The following DNAJB12 variants were observed in gnomAD, a reference collection of about 807,000 sequenced individuals.
DNAJB12 encodes the protein DnaJ heat shock protein family (Hsp40) member B12, also known as dnaJ homolog subfamily B member 12.
In DNAJB12, 14 loss-of-function variants were observed where a neutral mutation model predicts 40.6. The ratio of observed to expected loss-of-function variants is 0.34; its 90% CI spans 0.23 to 0.54. The LOEUF (loss-of-function observed/expected upper bound fraction) is 0.54. Among genes scored for constraint, DNAJB12 ranks in the 20% least tolerant of loss-of-function variants. The pLI, the probability that DNAJB12 is intolerant of heterozygous loss-of-function variation, is 0.92. For synonymous variants in DNAJB12, 181 were observed against 199.5 expected (o/e 0.91, Z 0.78); for missense variants, 444 against 501.7 (o/e 0.89, Z 1.10).
chr10:72,336,043 G>A, intron 7 of DNAJB12, 112 bp from the exon 8 acceptor site: 1 of 1,368,120 alleles, frequency 7.3e-7, no homozygotes, highest in South Asian at 1.3e-5. Flanking sequence ...CCGGGGCTTG[G>A]GCAGGGCTGG....
chr10:72,338,821 CAAAAT>C (rs1861549210), intron 5 of DNAJB12, among the ~76,000 whole-genome samples: 2 of 151,744 alleles, frequency 1.3e-5, no homozygotes, highest in African/African-American at 4.8e-5. Flanking sequence ...ATAATTAAAA[CAAAAT>C]AAAAATTAGA....
chr10:72,339,491 G>A (rs1278303916), intron 5 of DNAJB12, among the ~76,000 whole-genome samples: 1 of 151,406 alleles, frequency 6.6e-6, no homozygotes, highest in African/African-American at 2.4e-5. Flanking sequence ...CCAAGATTGT[G>A]CCACTGCACT....
intron 2 of DNAJB12, 140 bp from the exon 3 acceptor site, chr10:72,343,651 G>T (rs1746755608): frequency 2.3e-6 from 2 of 880,544 alleles, no homozygotes; most frequent in South Asian, 1.6e-5. Context: ...CCTTGGGTCA[G>T]CTGTGTGACA....
Position 72,339,717 on chromosome 10 carries a change from CT to C in DNAJB12, c.723+1071del, listed in dbSNP as rs543639307. On this transcript the variant is annotated intron_variant, in intron 5 of 8. Transcript: ENST00000444643. ...GCACTGTCTAGTTATAATTTTTATA[CT>C]TTTTTTTTTTTTTGAGACGGAGTCT... Among the ~76,000 whole-genome samples, 760 of 143,814 alleles carry C rather than the reference CT, an allele frequency of 5.3e-3. 3 individuals are homozygous for C. The highest frequency in any genetic ancestry group is 0.014 in the African/African-American group (554 of 39,402). The allele number at this position is 143,814 out of a possible 152,430, so 94.3% of individuals were successfully genotyped here.
chr10:72,349,398 C>T (rs868825811), intron 1 of DNAJB12, among the ~76,000 whole-genome samples: 1 of 152,116 alleles, frequency 6.6e-6, no homozygotes, highest in African/African-American at 2.4e-5. Context: ...CAGCGCTCAG[C>T]AGACTCTGGA....
At chr10:72,341,642 T>C (rs1861642159) in intron 3 of DNAJB12, among the ~76,000 whole-genome samples, 1 of 152,050 alleles carries the variant, frequency 6.6e-6, no homozygotes, top group Admixed American at 6.5e-5. Context: ...AGCTAATTTT[T>C]TGTATTTTTT....
chr10:72,339,317 C>T (rs977999060), intron 5 of DNAJB12, among the ~76,000 whole-genome samples: 1 of 150,842 alleles, frequency 6.6e-6, no homozygotes, highest in Non-Finnish European at 1.5e-5. Context: ...AGGCAGATCA[C>T]GAGGTCAGGA....
chr10:72,346,527 G>A (rs1377033412), intron 1 of DNAJB12, among the ~76,000 whole-genome samples: 6 of 152,192 alleles, frequency 3.9e-5, no homozygotes, highest in Non-Finnish European at 5.9e-5. Context: ...ATATCAACAC[G>A]TTGGCCAGAC....
chr10:72,354,681 T>G, intron 1 of DNAJB12, 84 bp downstream of exon 1: 146 of 866,490 alleles, frequency 1.7e-4, no homozygotes, highest in Non-Finnish European at 2.3e-4. Context: ...CCCCTCCCCC[T>G]CCCCCAACTG....
rs1339880311 is a variant in DNAJB12, at chr10:72,335,950, G to A, written c.1007-19C>T. ...CCTTCCTCTGCAAAGCAATGGGACA[G>A]GGTTAGTGCACACCCAGTACCTCCC... is the stretch of plus-strand genomic sequence containing the variant. On this transcript the variant is annotated intron_variant, in intron 7 of 8. Coordinates refer to ENST00000444643, the MANE Select transcript of DNAJB12 (RefSeq NM_017626.7). This position sits in a 1 kb window ranked among gnomAD's most constrained non-coding sequence, Gnocchi z 4.4. 1.9e-6 allele frequency: 3 copies of A among 1,613,744 alleles called. No individual in the cohort carries two copies. The African/African-American group carries it at 4.0e-5, about 22-fold the overall frequency.
chr10:72,335,028 CTG>C lies in DNAJB12; in HGVS notation c.*31-413_*31-412del. On this transcript the variant is annotated intron_variant, in intron 8 of 8. Transcript: ENST00000444643. This position sits in a 1 kb window ranked among gnomAD's most constrained non-coding sequence, Gnocchi z 4.4. The stretch of plus-strand genomic sequence containing the variant: ...AACTCTCATTTCCCCTCCACCCCTC[CTG>C]TGCTGAGCGGCTGCGTCTGACCCTG... The C allele has an allele frequency of 2.9e-6, 3 of 1,038,904 alleles. No homozygotes were observed. Among genetic ancestry groups the C allele is most frequent in the Non-Finnish European group, 3.5e-6 (3 of 864,194 alleles). The allele number at this position is 1,038,904 out of a possible 1,614,324, so 64.4% of individuals were successfully genotyped here. A position where few individuals can be genotyped will look rare whatever the true frequency, so the allele number is the denominator to read the frequency against.
At chr10:72,342,630 T>G (rs1208353875) in intron 3 of DNAJB12, among the ~76,000 whole-genome samples, 5 of 151,848 alleles carry the variant, frequency 3.3e-5, no homozygotes, top group Non-Finnish European at 7.4e-5. Context: ...CCCAGGCCAG[T>G]GGGGGCTAGT....
At position 72,343,531 on chromosome 10, in the gene DNAJB12, T is replaced by C. The variant is rs770407700; in HGVS notation, c.312-20A>G. The C allele has an allele frequency of 5.0e-6, 8 of 1,613,504 alleles. No homozygotes were observed. Among genetic ancestry groups the C allele is most frequent in the Non-Finnish European group, 5.9e-6 (7 of 1,179,774 alleles). Reference sequence around the variant, plus strand: ...TTGACCCTGGGGAAGGAGGAGACCATGGTACGGGGTGCTCTACATGGGTCT... The same window carrying C: ...TTGACCCTGGGGAAGGAGGAGACCACGGTACGGGGTGCTCTACATGGGTCT... On this transcript the variant is annotated intron_variant, in intron 2 of 8. Coordinates refer to ENST00000444643, the MANE Select transcript of DNAJB12 (RefSeq NM_017626.7).
At chr10:72,340,747 T>C (rs1165537028) in intron 5 of DNAJB12, 42 bp downstream of exon 5, 3 of 1,597,986 alleles carry the variant, frequency 1.9e-6, no homozygotes, top group Non-Finnish European at 2.6e-6. Flanking sequence ...GGGGTGGATT[T>C]GGTGCCCTTC....
intron 6 of DNAJB12, 100 bp from the exon 7 acceptor site, chr10:72,336,796 G>T (rs925009551): frequency 9.9e-6 from 10 of 1,007,710 alleles, no homozygotes; most frequent in African/African-American, 4.8e-5. Context: ...CAGACCAGAG[G>T]AGTAGTTGGT....
intron 1 of DNAJB12, among the ~76,000 whole-genome samples, chr10:72,345,977 G>A (rs1861776953): frequency 6.6e-6 from 1 of 150,632 alleles, no homozygotes; most frequent in Non-Finnish European, 1.5e-5. Context: ...AATAAAAATT[G>A]ACATAAAATT....
chr10:72,335,414 A>G lies in DNAJB12; in HGVS notation c.*30+366T>C. On this transcript the variant is annotated intron_variant, in intron 8 of 8. Transcript: ENST00000444643. This position sits in a 1 kb window ranked among gnomAD's most constrained non-coding sequence, Gnocchi z 4.4. ...ATGGCCTAAATACCAGGGCACGGAC[A>G]ATAGTCTGCTGTGCTGGAGAAAGGG... 1 of 1,038,760 alleles carries G rather than the reference A, an allele frequency of 9.6e-7. No individual in the cohort carries two copies. Among genetic ancestry groups the G allele is most frequent in the Non-Finnish European group, 1.2e-6 (1 of 860,476 alleles). The allele number at this position is 1,038,760 out of a possible 1,614,324, so 64.3% of individuals were successfully genotyped here. A position where few individuals can be genotyped will look rare whatever the true frequency, so the allele number is the denominator to read the frequency against.
chr10:72,334,060 G>T lies in DNAJB12; in HGVS notation c.*588C>A, dbSNP rs1861394299. On this transcript the variant is annotated 3_prime_UTR_variant, in exon 9 of 9. Transcript: ENST00000444643. Reference sequence around the variant, plus strand: ...AAACAGGCCTCATTTTCTAAAACATGGAAGAAATCAGCTCAACAACTTAAC... The same window carrying T: ...AAACAGGCCTCATTTTCTAAAACATTGAAGAAATCAGCTCAACAACTTAAC... The T allele has an allele frequency of 6.5e-6, 1 of 153,474 alleles. No homozygotes were observed. The highest frequency in any genetic ancestry group is 6.5e-5 in the Admixed American group (1 of 15,288). 9.5% of individuals were successfully genotyped at this position (153,474 alleles called of 1,614,324 possible). A position where few individuals can be genotyped will look rare whatever the true frequency, so the allele number is the denominator to read the frequency against.
intron 1 of DNAJB12, among the ~76,000 whole-genome samples, chr10:72,349,566 C>G (rs1300497150): frequency 6.6e-6 from 1 of 152,168 alleles, no homozygotes; most frequent in Non-Finnish European, 1.5e-5. Flanking sequence ...TCAAGAAGCT[C>G]TTTATTATTT....
Sources: allele counts gnomAD v4.1 joint callset (sites outside exome capture counted in the v4.1 genomes callset), GRCh38; gene constraint gnomAD v4.1.1; non-coding constraint Gnocchi (gnomAD v3.1); transcripts MANE v1.5; gene names NCBI Gene and HGNC (gene_info 2026-07-23, HGNC 2026-07-21).